SERPING1: variants seen among roughly 807,000 people sequenced by gnomAD.
SERPING1 encodes the protein plasma protease C1 inhibitor.
In SERPING1, 5 loss-of-function variants were observed where a neutral mutation model predicts 34.1. That is an observed-to-expected ratio of 0.15 (90% confidence interval 0.08 to 0.31). The LOEUF (loss-of-function observed/expected upper bound fraction) is 0.31. Among genes scored for constraint, SERPING1 ranks in the 10% least tolerant of loss-of-function variants. SERPING1 has a pLI of 1.00. For synonymous variants in SERPING1, 225 were observed against 242.4 expected (o/e 0.93, Z 0.67); for missense variants, 505 against 609.5 (o/e 0.83, Z 1.81).
In SERPING1 at chr11:57,600,192, T is replaced by G. The variant is rs1307573386; in HGVS notation, c.365T>G (p.Phe122Cys). ...DSPTQPTTGS[F>C]CPGPVTLCSD... is the part of the protein sequence containing the mutation. Reference sequence around the variant, plus strand: ...CCTACCCAGCCCACTACTGGGTCCTTCTGCCCAGGACCTGTTACTCTCTGC... The same window carrying G: ...CCTACCCAGCCCACTACTGGGTCCTGCTGCCCAGGACCTGTTACTCTCTGC... Residue 122 changes from phenylalanine (F) to cysteine (C), a missense_variant, in exon 3 of 8, where the codon TTC (phenylalanine) becomes TGC (cysteine). Coordinates refer to ENST00000278407, the MANE Select transcript of SERPING1 (RefSeq NM_000062.3). 1 of 1,613,866 alleles carries G rather than the reference T, an allele frequency of 6.2e-7. No individual in the cohort carries two copies. Among genetic ancestry groups the G allele is most frequent in the Admixed American group, 1.7e-5 (1 of 60,004 alleles).
chr11:57,598,930 T>TGC (rs1413293587), intron 2 of SERPING1, among the ~76,000 whole-genome samples: 2 of 123,788 alleles, frequency 1.6e-5, no homozygotes, highest in Admixed American at 1.8e-4. Context: ...TGTGTGTATG[T>TGC]GCGTGTGTGT....
At chr11:57,608,406 A>G (rs1003295359) in intron 6 of SERPING1, among the ~76,000 whole-genome samples, 13 of 152,236 alleles carry the variant, frequency 8.5e-5, no homozygotes, top group Non-Finnish European at 1.9e-4. Flanking sequence ...TGATAGGTTA[A>G]GGTGAGCATT....
Position 57,606,403 on chromosome 11 carries a change from T to G in SERPING1, c.890-5T>G. 6.2e-7 allele frequency: 1 copy of G among 1,614,062 alleles called. No individual in the cohort carries two copies. Among genetic ancestry groups the G allele is most frequent in the Non-Finnish European group, 8.5e-7 (1 of 1,179,968 alleles). ...TAGAGCAACCCTCCCACCTCTTCCC[T>G]CTAGCCAAGTGGAAGACAACATTTG... On this transcript the variant is annotated splice_polypyrimidine_tract_variant and splice_region_variant and intron_variant, in intron 5 of 7. Transcript: ENST00000278407.
At position 57,604,675 on chromosome 11, in the gene SERPING1, T is replaced by A. The variant is rs1156278971; in HGVS notation, c.686-1335T>A. Among the ~76,000 whole-genome samples the A allele has an allele frequency of 6.6e-6, 1 of 152,152 alleles. No individual in the cohort carries two copies. The highest frequency in any genetic ancestry group is 1.5e-5 in the Non-Finnish European group (1 of 68,028). ...TAAAAAAAAAAGGAAAACTTTTTTT[T>A]AAGCTGTTTTTTTTGTTTTTTGTTT... On this transcript the variant is annotated intron_variant, in intron 4 of 7. Coordinates refer to ENST00000278407, the MANE Select transcript of SERPING1 (RefSeq NM_000062.3).
At chr11:57,612,186 C>T (rs1945484833) in intron 7 of SERPING1, among the ~76,000 whole-genome samples, 1 of 152,118 alleles carries the variant, frequency 6.6e-6, no homozygotes, top group Non-Finnish European at 1.5e-5. Flanking sequence ...CAAACCAGAA[C>T]ACCGACCCAG....
chr11:57,606,675 T>C (rs770144991), intron 6 of SERPING1, 128 bp downstream of exon 6: 5 of 973,674 alleles, frequency 5.1e-6, no homozygotes, highest in Non-Finnish European at 8.2e-6. Flanking sequence ...TCCATCTGTA[T>C]TTCCACCCTA....
rs2135327831 is a variant in SERPING1, at chr11:57,614,331, T to A, written c.1253T>A (p.Phe418Tyr). Residue 418 changes from phenylalanine to tyrosine, a missense_variant, in exon 8 of 8, where the codon TTC becomes TAC. Phe to Tyr is a conservative substitution (Grantham distance 22, BLOSUM62 3). Transcript: ENST00000278407. ...TTTTTCTCTGGTTTTGCCCTAGAAT[T>A]CTTCGATTTTTCTTATGACCTTAAC... ...DMLSIMEKLE[F>Y]FDFSYDLNLC... is the part of the protein sequence containing the mutation. 1 of 1,613,738 alleles carries A rather than the reference T, an allele frequency of 6.2e-7. No homozygotes were observed. Among genetic ancestry groups the A allele is most frequent in the Non-Finnish European group, 8.5e-7 (1 of 1,180,030 alleles).
rs781758342 is a variant in SERPING1, at chr11:57,602,065, A to G, written c.581A>G (p.Glu194Gly). The G allele has an allele frequency of 2.5e-6, 4 of 1,614,106 alleles. No homozygotes were observed. The South Asian group carries it at 4.4e-5, about 18-fold the overall frequency. Reference sequence around the variant, plus strand: ...GGGGAGAACACCAAAACAAACCTGGAGAGCATCCTCTCTTACCCCAAGGAC... The same window carrying G: ...GGGGAGAACACCAAAACAAACCTGGGGAGCATCCTCTCTTACCCCAAGGAC... Reference protein sequence around the residue: ...GAGENTKTNLESILSYPKDFT... With the variant: ...GAGENTKTNLGSILSYPKDFT... Residue 194 changes from glutamate (E) to glycine (G), a missense_variant, in exon 4 of 8, where the codon GAG (glutamate) becomes GGG (glycine). Transcript: ENST00000278407.
At chr11:57,609,538 C>A (rs1225054844) in intron 6 of SERPING1, among the ~76,000 whole-genome samples, 1 of 151,928 alleles carries the variant, frequency 6.6e-6, no homozygotes, top group Non-Finnish European at 1.5e-5. Context: ...CGAGATCATG[C>A]CACTGCATTC....
intron 1 of SERPING1, 96 bp from the exon 2 acceptor site, chr11:57,598,153 T>TGGGGCCTGAGACGGAATGGGGGC: frequency 1.1e-6 from 1 of 880,684 alleles, no homozygotes; most frequent in Non-Finnish European, 1.7e-6. Flanking sequence ...TAAGAGGGAC[T>TGGGGCCTGAGACGGAATGGGGGC]GGGGCCTGAG....
chr11:57,611,494 A>G (rs1358174785), intron 6 of SERPING1: 2 of 591,326 alleles, frequency 3.4e-6, no homozygotes, highest in East Asian at 2.8e-5. Flanking sequence ...ATAATCAGAA[A>G]CTCATGCTCC....
intron 5 of SERPING1, 48 bp from the exon 6 acceptor site, chr11:57,606,360 T>C: frequency 1.1e-5 from 17 of 1,612,008 alleles, no homozygotes; most frequent in Non-Finnish European, 1.4e-5. Flanking sequence ...CTCCTCTTCA[T>C]CCTTTTCCTA....
chr11:57,609,158 A>G (rs911295789), intron 6 of SERPING1, among the ~76,000 whole-genome samples: 2 of 151,814 alleles, frequency 1.3e-5, no homozygotes, highest in Non-Finnish European at 2.9e-5. Flanking sequence ...ACATGTCTGT[A>G]ATCCCAGCTA....
Position 57,611,955 on chromosome 11 carries a change from G to A in SERPING1, c.1249+19G>A. ...AAATTGGGTGAGCTCTGGCAGCTTAGGGTTACTCCCAGGCCATCAGAGGAG... is the reference window on the plus strand; with the variant it reads ...AAATTGGGTGAGCTCTGGCAGCTTAAGGTTACTCCCAGGCCATCAGAGGAG... On this transcript the variant is annotated intron_variant, in intron 7 of 7. Transcript: ENST00000278407. 1 of 1,598,916 alleles carries A rather than the reference G, an allele frequency of 6.3e-7. No individual in the cohort carries two copies. The highest frequency in any genetic ancestry group is 8.6e-7 in the Non-Finnish European group (1 of 1,166,782).
At chr11:57,606,723 C>T (rs759512434) in intron 6 of SERPING1, 176 bp downstream of exon 6, 3 of 778,540 alleles carry the variant, frequency 3.9e-6, no homozygotes, top group Admixed American at 1.9e-5. Context: ...TTGGCCAAGG[C>T]AGACATTGTA....
intron 6 of SERPING1, among the ~76,000 whole-genome samples, chr11:57,609,852 A>G (rs969240954): frequency 3.9e-5 from 6 of 152,136 alleles, no homozygotes; most frequent in African/African-American, 9.7e-5. Flanking sequence ...TGTAACCTCA[A>G]GCTCCTTGGG....
At chr11:57,604,760 T>G (rs888894839) in intron 4 of SERPING1, among the ~76,000 whole-genome samples, 1 of 152,080 alleles carries the variant, frequency 6.6e-6, no homozygotes, top group African/African-American at 2.4e-5. Context: ...ATTCCAACAC[T>G]GAGAGGCTGA....
Position 57,600,321 on chromosome 11 carries a change from C to T in SERPING1, c.494C>T (p.Thr165Ile). Reference sequence around the variant, plus strand: ...TTCTCAGCAATGAAGAAGGTGGAGACCAACATGGCCTTTTCCCCATTCAGC... The same window carrying T: ...TTCTCAGCAATGAAGAAGGTGGAGATCAACATGGCCTTTTCCCCATTCAGC... ...HAFSAMKKVE[T>I]NMAFSPFSIA... The change falls in exon 3 of 8, where the codon ACC (threonine) becomes ATC (isoleucine). Residue 165 changes from threonine to isoleucine, a missense_variant. Thr to Ile is a moderately conservative substitution (Grantham distance 89, BLOSUM62 -1). Transcript: ENST00000278407. 1.2e-6 allele frequency: 2 copies of T among 1,613,474 alleles called. No homozygotes were observed. Among genetic ancestry groups the T allele is most frequent in the East Asian group, 2.2e-5 (1 of 44,884 alleles).
intron 3 of SERPING1, 83 bp from the exon 4 acceptor site, chr11:57,601,952 C>T (rs1945352034): frequency 6.5e-7 from 1 of 1,533,514 alleles, no homozygotes; most frequent in South Asian, 1.1e-5. Context: ...ACCCTCCATT[C>T]CAGCCTGGTC....
Sources: allele counts gnomAD v4.1 joint callset (sites outside exome capture counted in the v4.1 genomes callset), GRCh38; gene constraint gnomAD v4.1.1; transcripts MANE v1.5; gene names NCBI Gene and HGNC (gene_info 2026-07-23, HGNC 2026-07-21).